SORCS3: variants seen among roughly 807,000 people sequenced by gnomAD.
SORCS3 encodes the protein sortilin related VPS10 domain containing receptor 3, also known as VPS10 domain-containing receptor SorCS3.
SORCS3 carries 57 observed loss-of-function variants against 146.3 expected under a neutral mutation model. The observed-to-expected ratio is 0.39, with a 90% CI of 0.31 to 0.49. SORCS3 has a LOEUF of 0.49. Among genes scored for constraint, SORCS3 ranks in the 20% least tolerant of loss-of-function variants. The pLI, the probability that SORCS3 is intolerant of heterozygous loss-of-function variation, is 0.92. For synonymous variants in SORCS3, 653 were observed against 618.5 expected (o/e 1.06, Z -0.83); for missense variants, 1,341 against 1,575.5 (o/e 0.85, Z 2.52).
chr10:104,948,733 T>A (rs1011240293), intron 3 of SORCS3, among the ~76,000 whole-genome samples: 1 of 152,208 alleles, frequency 6.6e-6, no homozygotes, highest in Non-Finnish European at 1.5e-5. Flanking sequence ...GAAGATTTGA[T>A]GTGCCTTTTC....
intron 7 of SORCS3, among the ~76,000 whole-genome samples, chr10:105,137,028 A>G (rs1463269): frequency 0.49 from 73,716 of 151,886 alleles, 18,437 homozygotes; most frequent in Non-Finnish European, 0.55. Flanking sequence ...CACGCTGTCA[A>G]AGGGACCACT....
intron 5 of SORCS3, among the ~76,000 whole-genome samples, chr10:105,077,309 C>T (rs1213878228): frequency 6.6e-6 from 1 of 152,064 alleles, no homozygotes; most frequent in Non-Finnish European, 1.5e-5. Context: ...TGTTGTGATT[C>T]ACTAAGTGTA....
chr10:104,733,170 G>A (rs1036628973), intron 1 of SORCS3, among the ~76,000 whole-genome samples: 10 of 152,136 alleles, frequency 6.6e-5, no homozygotes, highest in African/African-American at 2.2e-4. Flanking sequence ...CTCCTCTGAT[G>A]CCCCCAGGAG....
chr10:105,163,662 G>T (rs922142246), intron 11 of SORCS3, among the ~76,000 whole-genome samples: 6 of 152,158 alleles, frequency 3.9e-5, no homozygotes, highest in African/African-American at 9.7e-5. Flanking sequence ...AGGAGAGTGT[G>T]AAGGGATGGA....
intron 1 of SORCS3, among the ~76,000 whole-genome samples, chr10:104,761,242 T>C (rs906272774): frequency 2.0e-5 from 3 of 152,166 alleles, no homozygotes; most frequent in African/African-American, 7.2e-5. Flanking sequence ...AACAATGACA[T>C]TACTACAGTG....
chr10:105,089,513 C>T (rs2055686502), intron 5 of SORCS3, among the ~76,000 whole-genome samples: 1 of 152,166 alleles, frequency 6.6e-6, no homozygotes, highest in African/African-American at 2.4e-5. Context: ...ACTATGCACT[C>T]TGTATTCTTC....
chr10:104,826,533 T>A (rs1564692393), intron 1 of SORCS3, among the ~76,000 whole-genome samples: 2 of 152,192 alleles, frequency 1.3e-5, no homozygotes, highest in Non-Finnish European at 2.9e-5. Context: ...TTAAGTAGCA[T>A]CATGTCTAAA....
At chr10:104,883,246 G>C (rs908780388) in intron 2 of SORCS3, among the ~76,000 whole-genome samples, 3 of 152,244 alleles carry the variant, frequency 2.0e-5, no homozygotes, top group Non-Finnish European at 1.5e-5. Flanking sequence ...CAAGCTATCA[G>C]AGCCTTTCAG....
At chr10:104,667,433 C>A (rs1432745003) in intron 1 of SORCS3, among the ~76,000 whole-genome samples, 2 of 152,162 alleles carry the variant, frequency 1.3e-5, no homozygotes, top group Non-Finnish European at 2.9e-5. Context: ...AGACTATAAA[C>A]TCCTCAAGAG....
At chr10:104,666,779 T>C (rs1045786280) in intron 1 of SORCS3, among the ~76,000 whole-genome samples, 2 of 152,086 alleles carry the variant, frequency 1.3e-5, no homozygotes, top group Non-Finnish European at 2.9e-5. Context: ...CTATTTTTTT[T>C]TATTTTTTAT....
chr10:104,916,622 A>G (rs2019030952), intron 3 of SORCS3, among the ~76,000 whole-genome samples: 1 of 152,218 alleles, frequency 6.6e-6, no homozygotes, highest in African/African-American at 2.4e-5. Context: ...TAGAAAACAA[A>G]TACTGCACCA....
chr10:104,815,448 CAA>C (rs5787549), intron 1 of SORCS3, among the ~76,000 whole-genome samples: 8 of 79,366 alleles, frequency 1.0e-4, no homozygotes, highest in African/African-American at 2.1e-4. Flanking sequence ...GACCCTGTCT[CAA>C]AAAAAAAAAA....
intron 1 of SORCS3, among the ~76,000 whole-genome samples, chr10:104,761,558 C>T (rs1008853418): frequency 1.3e-5 from 2 of 152,134 alleles, no homozygotes; most frequent in African/African-American, 4.8e-5. Context: ...TTCCTGAAAT[C>T]TTGTTTTTCC....
intron 1 of SORCS3, among the ~76,000 whole-genome samples, chr10:104,740,774 AAAT>A: frequency 6.6e-6 from 1 of 152,188 alleles, no homozygotes; most frequent in South Asian, 2.1e-4. Flanking sequence ...ATGTATGGAG[AAAT>A]AATAATGTAG....
intron 1 of SORCS3, among the ~76,000 whole-genome samples, chr10:104,661,125 C>T (rs762836804): frequency 2.6e-5 from 4 of 152,150 alleles, no homozygotes; most frequent in Non-Finnish European, 5.9e-5. Context: ...CTGTTCTTTA[C>T]ACAATTAAAT....
rs1022723363 is a variant in SORCS3 at position 104,701,572 on chromosome 10, A to G, written c.627+59618A>G. Among the ~76,000 whole-genome samples, 3 of 152,316 alleles carry G rather than the reference A, an allele frequency of 2.0e-5. No homozygotes were observed. The South Asian group carries it at 6.2e-4, about 32-fold the overall frequency. On this transcript the variant is annotated intron_variant, in intron 1 of 26. Coordinates refer to ENST00000369701, the MANE Select transcript of SORCS3 (RefSeq NM_014978.3). ...TTAATGAGATCTAGACCATTTTACAAGGCATGCTGGGTTTCCATTTATTGT... is the reference window on the plus strand; with the variant it reads ...TTAATGAGATCTAGACCATTTTACAGGGCATGCTGGGTTTCCATTTATTGT...
At chr10:105,168,498 G>A (rs2056333496) in intron 13 of SORCS3, among the ~76,000 whole-genome samples, 1 of 152,140 alleles carries the variant, frequency 6.6e-6, no homozygotes, top group African/African-American at 2.4e-5. Context: ...TTTGTGGGTG[G>A]AGAATATCCT....
At chr10:105,024,250 C>A (rs990000410) in intron 4 of SORCS3, among the ~76,000 whole-genome samples, 8 of 152,178 alleles carry the variant, frequency 5.3e-5, no homozygotes, top group African/African-American at 1.7e-4. Context: ...ATGGACCCTA[C>A]TGTGCTTTTG....
intron 7 of SORCS3, among the ~76,000 whole-genome samples, chr10:105,119,477 C>T (rs1221795603): frequency 1.3e-5 from 2 of 152,142 alleles, no homozygotes; most frequent in Non-Finnish European, 2.9e-5. Context: ...TCCTCCAGAC[C>T]TCAGAATGAT....
Sources: gnomAD v4.1 joint callset for allele counts (sites outside exome capture counted in the v4.1 genomes callset) on GRCh38, gnomAD v4.1.1 for gene constraint, MANE v1.5 for transcripts, NCBI Gene and HGNC (gene_info 2026-07-23, HGNC 2026-07-21) for gene names.